LINGO1: variants seen among roughly 807,000 people sequenced by gnomAD.
LINGO1 encodes the protein leucine-rich repeat and immunoglobulin-like domain-containing nogo receptor-interacting protein 1.
LINGO1 carries 11 observed loss-of-function variants against 37.3 expected under a neutral mutation model. That is an observed-to-expected ratio of 0.29 (90% confidence interval 0.19 to 0.49). LINGO1 has a LOEUF of 0.49. LINGO1 is among the 20% of genes least tolerant of loss of function. The pLI is 0.99. For missense variants in LINGO1, 585 were observed against 878.2 expected, an observed-to-expected ratio of 0.67 and a Z score of 4.22; for synonymous variants, 387 against 403.0, an observed-to-expected ratio of 0.96 and a Z score of 0.48.
At chr15:77,674,217 T>C (rs2075293885) in intron 3 of LINGO1, among the ~76,000 whole-genome samples, 1 of 152,112 alleles carries the variant, frequency 6.6e-6, no homozygotes, top group African/African-American at 2.4e-5. Context: ...GCAAATCCTA[T>C]TGGCTCTACC....
intron 3 of LINGO1, among the ~76,000 whole-genome samples, chr15:77,674,477 C>G (rs1184215459): frequency 6.6e-6 from 1 of 152,164 alleles, no homozygotes; most frequent in Non-Finnish European, 1.5e-5. Flanking sequence ...CCTGCAGGCC[C>G]TGAGTGATGA....
intron 1 of LINGO1, among the ~76,000 whole-genome samples, chr15:77,626,599 C>T (rs1185310847): frequency 6.6e-6 from 1 of 152,206 alleles, no homozygotes. Context: ...ATAAGAAGCC[C>T]AGACTTGGGG....
chr15:77,808,350 A>C (rs576752340), intron 1 of LINGO1, among the ~76,000 whole-genome samples: 1 of 152,236 alleles, frequency 6.6e-6, no homozygotes, highest in African/African-American at 2.4e-5. Context: ...CAGGAGCATA[A>C]GGATGCATTC....
chr15:77,655,447 G>A (rs1488693353), intron 3 of LINGO1, among the ~76,000 whole-genome samples: 1 of 152,130 alleles, frequency 6.6e-6, no homozygotes, highest in African/African-American at 2.4e-5. Flanking sequence ...TAGACACGCT[G>A]GGTCCTACCG....
At chr15:77,782,841 G>C (rs1355708260) in intron 1 of LINGO1, among the ~76,000 whole-genome samples, 1 of 151,956 alleles carries the variant, frequency 6.6e-6, no homozygotes, top group Non-Finnish European at 1.5e-5. Context: ...CCACCCAGAG[G>C]CCAGAAAGGA....
chr15:77,680,817 G>A (rs186635772), intron 2 of LINGO1, among the ~76,000 whole-genome samples: 82 of 152,296 alleles, frequency 5.4e-4, no homozygotes, highest in African/African-American at 1.8e-3. Context: ...GAAAACTCCC[G>A]CAGGGCCTTG....
intron 1 of LINGO1, among the ~76,000 whole-genome samples, chr15:77,776,643 G>A (rs994191474): frequency 6.6e-6 from 1 of 152,048 alleles, no homozygotes; most frequent in Non-Finnish European, 1.5e-5. Flanking sequence ...CCATGGCTGT[G>A]CAGGAGGCTG....
intron 3 of LINGO1, among the ~76,000 whole-genome samples, chr15:77,676,558 A>AG (rs2075331203): frequency 6.6e-6 from 1 of 152,050 alleles, no homozygotes; most frequent in Non-Finnish European, 1.5e-5. Context: ...CCCACCACAG[A>AG]GGGGGACTGA....
intron 3 of LINGO1, among the ~76,000 whole-genome samples, chr15:77,664,558 G>C (rs1195312993): frequency 6.6e-6 from 1 of 152,190 alleles, no homozygotes; most frequent in African/African-American, 2.4e-5. Context: ...TGGCTGGGGA[G>C]GGTAGGTCAG....
chr15:77,807,933 G>A (rs2076973574), intron 1 of LINGO1, among the ~76,000 whole-genome samples: 1 of 152,118 alleles, frequency 6.6e-6, no homozygotes, highest in Non-Finnish European at 1.5e-5. Context: ...GTCTCTGAGG[G>A]AGGGGCCTGG....
chr15:77,616,707 C>T (rs1047884653), intron 1 of LINGO1, among the ~76,000 whole-genome samples: 1 of 152,166 alleles, frequency 6.6e-6, no homozygotes. Context: ...CCATCGGTGA[C>T]CCAGCTCAGG....
chr15:77,780,147 C>A (rs1476320552), intron 1 of LINGO1, among the ~76,000 whole-genome samples: 4 of 152,172 alleles, frequency 2.6e-5, no homozygotes, highest in Admixed American at 6.5e-5. Flanking sequence ...GTATGAACAC[C>A]AAGAACAAAA....
At chr15:77,818,902 C>T (rs894640060) in intron 1 of LINGO1, among the ~76,000 whole-genome samples, 5 of 151,776 alleles carry the variant, frequency 3.3e-5, no homozygotes, top group African/African-American at 1.2e-4. Flanking sequence ...CCGCCCCACT[C>T]CCCTCGCGTT....
intron 1 of LINGO1, among the ~76,000 whole-genome samples, chr15:77,816,509 T>C (rs1400659535): frequency 6.6e-6 from 1 of 152,124 alleles, no homozygotes; most frequent in African/African-American, 2.4e-5. Context: ...ACTGGGTTTG[T>C]TAGAATATCT....
intron 2 of LINGO1, among the ~76,000 whole-genome samples, chr15:77,706,766 G>T (rs958456742): frequency 4.6e-5 from 7 of 152,260 alleles, no homozygotes; most frequent in African/African-American, 1.4e-4. Flanking sequence ...GGCCATGGCT[G>T]CCTTGCTCAC....
intron 3 of LINGO1, among the ~76,000 whole-genome samples, chr15:77,644,407 G>A (rs998190265): frequency 6.6e-6 from 1 of 152,212 alleles, no homozygotes; most frequent in African/African-American, 2.4e-5. Flanking sequence ...GCTGCCCTGA[G>A]CCTGCACGGG....
intron 1 of LINGO1, among the ~76,000 whole-genome samples, chr15:77,814,115 G>A (rs565779469): frequency 6.6e-6 from 1 of 152,292 alleles, no homozygotes; most frequent in East Asian, 1.9e-4. Context: ...GTCCATGACA[G>A]CCTGTCCTTG....
At chr15:77,702,534 C>G (rs2075797910) in intron 2 of LINGO1, among the ~76,000 whole-genome samples, 1 of 152,220 alleles carries the variant, frequency 6.6e-6, no homozygotes, top group Non-Finnish European at 1.5e-5. Context: ...CTCAGCACAA[C>G]ATGCCATGGC....
In LINGO1 at chr15:77,710,399, G is replaced by A. The variant is rs567822006; in HGVS notation, c.-194-19498C>T. On this transcript the variant is annotated intron_variant, in intron 2 of 3. Transcript: ENST00000561686. ...GGGACTTGTCCAGCAGGAACAATGG[G>A]CCACCCAGCTGGTAGAGAGTCTCGG... Among the ~76,000 whole-genome samples, 22 of 152,336 alleles carry A rather than the reference G, an allele frequency of 1.4e-4. No individual in the cohort carries two copies. The South Asian group carries it at 4.6e-3, about 32-fold the overall frequency.
Sources: allele counts gnomAD v4.1 joint callset (sites outside exome capture counted in the v4.1 genomes callset), GRCh38; gene constraint gnomAD v4.1.1; transcripts MANE v1.5; gene names NCBI Gene and HGNC (gene_info 2026-07-23, HGNC 2026-07-21).